Variants in CNTN5 observed in about 807,000 individuals in gnomAD.
CNTN5 encodes contactin-5.
Under a neutral mutation model 129.1 loss-of-function variants are expected in CNTN5, and 77 were observed. That is an observed-to-expected ratio of 0.60 (90% CI 0.50 to 0.72). The LOEUF (loss-of-function observed/expected upper bound fraction) is 0.72, where lower values mean the gene tolerates loss of function less well. CNTN5 is among the 30% of genes least tolerant of loss of function. The pLI is 0.00. For missense variants in CNTN5, 1,478 were observed against 1,328.8 expected (o/e 1.11, Z -1.75); for synonymous variants, 509 against 465.6 (o/e 1.09, Z -1.20).
At chr11:99,972,217 C>A (rs1350986317) in intron 8 of CNTN5, among the ~76,000 whole-genome samples, 2 of 151,496 alleles carry the variant, frequency 1.3e-5, no homozygotes, top group African/African-American at 4.9e-5. Flanking sequence ...GCCGAGATTG[C>A]GCCACTGCAC....
chr11:100,074,138 T>A lies in CNTN5; in HGVS notation c.1430-6T>A. 1 of 1,605,692 alleles carries A rather than the reference T, an allele frequency of 6.2e-7. No homozygotes were observed. The highest frequency in any genetic ancestry group is 8.5e-7 in the Non-Finnish European group (1 of 1,177,458). On this transcript the variant is annotated splice_polypyrimidine_tract_variant and splice_region_variant and intron_variant, in intron 12 of 24. Coordinates refer to ENST00000524871, the MANE Select transcript of CNTN5 (RefSeq NM_014361.4). ...TGGTAGAAACTAACATTTGCTTTTT[T>A]AATAGCTTCAGCTCCCACTTTTGCA...
chr11:99,926,301 A>G (rs1950061122), intron 7 of CNTN5, among the ~76,000 whole-genome samples: 1 of 152,164 alleles, frequency 6.6e-6, no homozygotes, highest in African/African-American at 2.4e-5. Context: ...TGGGAATCTC[A>G]GAGTTTAAGA....
At chr11:100,059,465 G>A (rs1389861310) in intron 9 of CNTN5, among the ~76,000 whole-genome samples, 1 of 151,914 alleles carries the variant, frequency 6.6e-6, no homozygotes, top group Non-Finnish European at 1.5e-5. Flanking sequence ...TAGTTCTATG[G>A]CCCTAAAACA....
chr11:99,213,656 A>C (rs1859958789), intron 1 of CNTN5, among the ~76,000 whole-genome samples: 1 of 151,990 alleles, frequency 6.6e-6, no homozygotes, highest in African/African-American at 2.4e-5. Flanking sequence ...GTAGTTTAGG[A>C]AAGAGCAAAA....
intron 9 of CNTN5, among the ~76,000 whole-genome samples, chr11:100,059,163 C>G (rs141874872): frequency 9.2e-5 from 14 of 152,260 alleles, no homozygotes; most frequent in African/African-American, 3.4e-4. Context: ...TATTGTGGGA[C>G]ACGGAGTTTT....
chr11:99,585,094 C>A lies in CNTN5; in HGVS notation c.55+28825C>A, dbSNP rs553133769. Among the ~76,000 whole-genome samples the A allele has an allele frequency of 3.9e-5, 6 of 152,222 alleles. No homozygotes were observed. The South Asian group carries it at 6.2e-4, about 16-fold the overall frequency. On this transcript the variant is annotated intron_variant, in intron 3 of 24. Transcript: ENST00000524871. Reference sequence around the variant, plus strand: ...AGTGGACACATATTTTCCAAATGACCAAACACACAGTGTTACAAAATCACA... The same window carrying A: ...AGTGGACACATATTTTCCAAATGACAAAACACACAGTGTTACAAAATCACA...
chr11:99,600,428 C>G (rs991817942), intron 3 of CNTN5, among the ~76,000 whole-genome samples: 1 of 152,114 alleles, frequency 6.6e-6, no homozygotes, highest in Non-Finnish European at 1.5e-5. Context: ...TATTTTACCT[C>G]ATGTTAATTA....
chr11:100,309,430 C>T, intron 21 of CNTN5: 1 of 967,118 alleles, frequency 1.0e-6, no homozygotes, highest in Non-Finnish European at 1.2e-6. Context: ...AAAATTTATA[C>T]AATCTTTCTA....
intron 1 of CNTN5, among the ~76,000 whole-genome samples, chr11:99,179,647 A>T (rs1857950002): frequency 6.6e-6 from 1 of 152,150 alleles, no homozygotes; most frequent in Non-Finnish European, 1.5e-5. Context: ...ATAAAATAGG[A>T]TTATTTCTAA....
intron 3 of CNTN5, among the ~76,000 whole-genome samples, chr11:99,562,544 G>C (rs1332176211): frequency 2.6e-5 from 4 of 152,180 alleles, no homozygotes; most frequent in African/African-American, 9.6e-5. Context: ...ACTACCATGA[G>C]ATGTTAATAG....
intron 1 of CNTN5, among the ~76,000 whole-genome samples, chr11:99,211,158 T>A (rs1323246109): frequency 6.6e-6 from 1 of 152,110 alleles, no homozygotes; most frequent in African/African-American, 2.4e-5. Context: ...CCCTTTTTAT[T>A]ATCTTGGTAA....
intron 8 of CNTN5, among the ~76,000 whole-genome samples, chr11:99,966,993 C>T (rs1296105950): frequency 6.6e-6 from 1 of 151,858 alleles, no homozygotes; most frequent in Non-Finnish European, 1.5e-5. Context: ...CTTTGGTAAC[C>T]CCTAATAGAA....
chr11:99,093,308 C>G (rs971722488), intron 1 of CNTN5, among the ~76,000 whole-genome samples: 2 of 152,072 alleles, frequency 1.3e-5, no homozygotes, highest in Admixed American at 6.6e-5. Flanking sequence ...AAGGGCATTT[C>G]TCTATGATCT....
intron 2 of CNTN5, among the ~76,000 whole-genome samples, chr11:99,509,717 A>G (rs1051912483): frequency 6.6e-6 from 1 of 152,102 alleles, no homozygotes; most frequent in African/African-American, 2.4e-5. Flanking sequence ...GAATAAATAA[A>G]AATAAAAAAT....
intron 1 of CNTN5, among the ~76,000 whole-genome samples, chr11:99,091,428 A>C (rs1054974451): frequency 6.5e-4 from 99 of 152,310 alleles, no homozygotes; most frequent in African/African-American, 2.3e-3. Flanking sequence ...AAGGTCTGTA[A>C]GGCACAAGGA....
chr11:99,996,571 CCTAT>C, intron 8 of CNTN5, among the ~76,000 whole-genome samples: 1 of 152,186 alleles, frequency 6.6e-6, no homozygotes, highest in African/African-American at 2.4e-5. Context: ...TTTACTCTCT[CCTAT>C]CTTTTTTCCA....
chr11:99,856,985 A>G (rs1481185652), intron 6 of CNTN5, among the ~76,000 whole-genome samples: 1 of 142,826 alleles, frequency 7.0e-6, no homozygotes, highest in Non-Finnish European at 1.5e-5. Context: ...TCTCCCTGTT[A>G]CTCCCTCCCT....
intron 21 of CNTN5, among the ~76,000 whole-genome samples, chr11:100,314,068 CTAAAGAATGG>C (rs1951528352): frequency 6.6e-6 from 1 of 152,108 alleles, no homozygotes; most frequent in Non-Finnish European, 1.5e-5. Context: ...GCCACTGCTT[CTAAAGAATGG>C]TTGGTGGAAA....
At chr11:100,217,803 G>A (rs1318772156) in intron 15 of CNTN5, among the ~76,000 whole-genome samples, 1 of 152,146 alleles carries the variant, frequency 6.6e-6, no homozygotes, top group East Asian at 1.9e-4. Context: ...TTACTGAGGA[G>A]ATTTCAAGAG....
Sources: allele counts gnomAD v4.1 joint callset (sites outside exome capture counted in the v4.1 genomes callset), GRCh38; gene constraint gnomAD v4.1.1; transcripts MANE v1.5; gene names NCBI Gene and HGNC (gene_info 2026-07-23, HGNC 2026-07-21).